FGFR1: variants seen among roughly 807,000 people sequenced by gnomAD.
The protein encoded by FGFR1 is fibroblast growth factor receptor 1.
Under a neutral mutation model 93.7 loss-of-function variants are expected in FGFR1, and 18 were observed. The observed-to-expected ratio is 0.19, with a 90% CI of 0.13 to 0.28. The LOEUF is 0.28. Among genes scored for constraint, FGFR1 ranks in the 10% least tolerant of loss-of-function variants. The probability of loss-of-function intolerance (pLI) is 1.00; values close to 1 mark genes in which losing one functional copy is unlikely to be tolerated. For missense variants in FGFR1, 731 were observed against 1,080.4 expected, an observed-to-expected ratio of 0.68 and a Z score of 4.53; for synonymous variants, 448 against 429.3, an observed-to-expected ratio of 1.04 and a Z score of -0.54.
chr8:38,423,448 AG>A, intron 7 of FGFR1: 2 of 380,848 alleles, frequency 5.3e-6, no homozygotes, highest in Non-Finnish European at 9.7e-6. Flanking sequence ...CAGCCTCCTG[AG>A]TAGCTGGGAC....
intron 4 of FGFR1, 31 bp from the exon 5 acceptor site, chr8:38,428,124 G>C (rs779135075): frequency 6.2e-7 from 1 of 1,613,336 alleles, no homozygotes; most frequent in Non-Finnish European, 8.5e-7. Flanking sequence ...GAGACAGGCA[G>C]GGTGGAGAGG....
In FGFR1 at chr8:38,429,759, G is replaced by T. The variant is rs150973404; in HGVS notation, c.281C>A (p.Ala94Glu). The T allele has an allele frequency of 6.2e-7, 1 of 1,601,442 alleles. No individual in the cohort carries two copies. The highest frequency in any genetic ancestry group is 1.3e-5 in the African/African-American group (1 of 74,766). ...EEVEVQDSVP[A>E]DSGLYACVTS... ...TACGCAAGCATAGAGGCCGGAGTCT[G>T]CGGGCACGGAGTCCTGCACCTCCAC... The change falls in exon 3 of 18, where the codon GCA (alanine) becomes GAA (glutamate). Residue 94 changes from alanine to glutamate, a missense_variant. Ala to Glu is a moderately radical substitution (Grantham distance 107, BLOSUM62 -1). Around this residue, in one of 10 missense-constraint regions of FGFR1, gnomAD observed 212 missense variants for 205.8 expected, o/e 1.03. Coordinates refer to ENST00000447712, the MANE Select transcript of FGFR1 (RefSeq NM_023110.3). The surrounding 1 kb of genome is among the most constrained non-coding windows in gnomAD (Gnocchi z 4.4).
intron 7 of FGFR1, chr8:38,422,301 A>G (rs2150768830): frequency 1.5e-5 from 7 of 454,980 alleles, no homozygotes; most frequent in South Asian, 1.1e-4. Context: ...AGGTGAACAC[A>G]GGAGGGATGG....
intron 2 of FGFR1, among the ~76,000 whole-genome samples, chr8:38,447,642 C>T (rs1486342118): frequency 3.3e-5 from 5 of 152,152 alleles, no homozygotes; most frequent in South Asian, 2.1e-4. Flanking sequence ...CCATCATGAC[C>T]GGCTAATTTT....
intron 2 of FGFR1, among the ~76,000 whole-genome samples, chr8:38,433,075 T>C (rs1441680459): frequency 1.3e-5 from 2 of 152,160 alleles, no homozygotes; most frequent in Non-Finnish European, 2.9e-5. Context: ...CAGTGGCTTA[T>C]GCCTGCAATC....
At chr8:38,437,023 G>A (rs1032104616) in intron 2 of FGFR1, among the ~76,000 whole-genome samples, 1 of 152,104 alleles carries the variant, frequency 6.6e-6, no homozygotes, top group Non-Finnish European at 1.5e-5. Context: ...TGGGACTATA[G>A]ACAAGCGCCA....
chr8:38,459,107 A>C (rs1323651555), intron 1 of FGFR1: 2 of 227,876 alleles, frequency 8.8e-6, no homozygotes, highest in Non-Finnish European at 1.7e-5. Context: ...GGTCTTAAAG[A>C]ACGGATCATA....
At position 38,426,665 on chromosome 8, in the gene FGFR1, C is replaced by A. The variant is rs1820872491; in HGVS notation, c.622-420G>T. Reference sequence around the variant, plus strand: ...AACTGTGCTCACCCTTTCCTCTCTGCCTACCAAAGCACTGATCACAGTCTA... The same window carrying A: ...AACTGTGCTCACCCTTTCCTCTCTGACTACCAAAGCACTGATCACAGTCTA... On this transcript the variant is annotated intron_variant, in intron 5 of 17. Transcript: ENST00000447712. This position sits in a 1 kb window ranked among gnomAD's most constrained non-coding sequence, Gnocchi z 4.1. Among the ~76,000 whole-genome samples, 1 of 152,230 alleles carries A rather than the reference C, an allele frequency of 6.6e-6. No homozygotes were observed. Among genetic ancestry groups the A allele is most frequent in the Non-Finnish European group, 1.5e-5 (1 of 68,046 alleles).
intron 2 of FGFR1, among the ~76,000 whole-genome samples, chr8:38,431,425 G>A (rs546408865): frequency 6.6e-6 from 1 of 152,276 alleles, no homozygotes; most frequent in Non-Finnish European, 1.5e-5. Context: ...GATGCCTGGC[G>A]CCCAGGAGTT....
At chr8:38,446,971 C>T (rs1314766846) in intron 2 of FGFR1, among the ~76,000 whole-genome samples, 5 of 152,100 alleles carry the variant, frequency 3.3e-5, no homozygotes, top group Admixed American at 2.0e-4. Flanking sequence ...GAAATGGCAG[C>T]GTCCATGGGG....
In FGFR1 at chr8:38,419,584, C is replaced by G. The variant is rs2150707090; in HGVS notation, c.1233G>C (p.Gln411His). 2 of 1,614,138 alleles carry G rather than the reference C, an allele frequency of 1.2e-6. No homozygotes were observed. Among genetic ancestry groups the G allele is most frequent in the South Asian group, 2.2e-5 (2 of 91,086 alleles). ...TCTTGGCCAGCTTGTGCACAGCCAT[C>G]TGGCTGTGGAAGTCACTCTTCTTGG... ...SGTKKSDFHS[Q>H]MAVHKLAKSI... Residue 411 changes from glutamine (Q) to histidine (H), a missense_variant, in exon 9 of 18, where the codon CAG (glutamine) becomes CAC (histidine). Gln to His is a conservative substitution (Grantham distance 24). Transcript: ENST00000447712.
At chr8:38,461,122 A>C (rs1241696048) in intron 1 of FGFR1, 1 of 1,536,040 alleles carries the variant, frequency 6.5e-7, no homozygotes, top group Admixed American at 2.0e-5. Flanking sequence ...GTGGTTATGA[A>C]GACTGAATGG....
intron 2 of FGFR1, among the ~76,000 whole-genome samples, chr8:38,431,913 A>T (rs1823302654): frequency 6.6e-6 from 1 of 152,208 alleles, no homozygotes; most frequent in Non-Finnish European, 1.5e-5. Context: ...AACGAAGGTA[A>T]GGAGAAAAGC....
In FGFR1 at chr8:38,412,646, C is replaced by T. The variant is rs954490656; in HGVS notation, c.*982G>A. 3 of 233,624 alleles carry T rather than the reference C, an allele frequency of 1.3e-5. No homozygotes were observed. The highest frequency in any genetic ancestry group is 1.2e-4 in the East Asian group (2 of 16,598). 14.5% of individuals were successfully genotyped at this position (233,624 alleles called of 1,614,324 possible). A position where few individuals can be genotyped will look rare whatever the true frequency, so the allele number is the denominator to read the frequency against. On this transcript the variant is annotated 3_prime_UTR_variant, in exon 18 of 18. Transcript: ENST00000447712. ...CTGCGCCGGGAGCATGCGGTGCCCT[C>T]GGGACAGACCTAGCCCCAGGGCCCG...
chr8:38,418,473 T>TGC, intron 9 of FGFR1, 100 bp from the exon 10 acceptor site: 4 of 1,351,318 alleles, frequency 3.0e-6, no homozygotes, highest in Non-Finnish European at 3.1e-6. Context: ...GAGGCACATG[T>TGC]CTGTGTATCT....
At chr8:38,415,021 C>A (rs1815891758) in intron 13 of FGFR1, 120 bp from the exon 14 acceptor site, 9 of 750,960 alleles carry the variant, frequency 1.2e-5, no homozygotes, top group South Asian at 1.2e-4. Context: ...CACTGCTCTG[C>A]CCCCCGAACC....
chr8:38,466,963 C>T (rs1379198707), intron 1 of FGFR1, among the ~76,000 whole-genome samples: 1 of 151,386 alleles, frequency 6.6e-6, no homozygotes, highest in Non-Finnish European at 1.5e-5. Flanking sequence ...TATATGAACC[C>T]CCATCTACAA....
Position 38,457,390 on chromosome 8 carries a change from G to C in FGFR1, c.57C>G (p.Cys19Trp), listed in dbSNP as rs2151343740. 1.2e-6 allele frequency: 2 copies of C among 1,613,896 alleles called. No individual in the cohort carries two copies. Among genetic ancestry groups the C allele is most frequent in the South Asian group, 2.2e-5 (2 of 91,084 alleles). ...GCAAGGTCGGGGACGGCCTAGCGGTGCAGAGTGTGGCTGTGACCAGCACAG... is the reference window on the plus strand; with the variant it reads ...GCAAGGTCGGGGACGGCCTAGCGGTCCAGAGTGTGGCTGTGACCAGCACAG... ...FWAVLVTATL[C>W]TARPSPTLPE... Residue 19 changes from cysteine to tryptophan, a missense_variant, in exon 2 of 18, where the codon TGC becomes TGG. This residue lies in a region of FGFR1 where 212 missense variants were observed against 205.8 expected (regional missense o/e 1.03). Coordinates refer to ENST00000447712, the MANE Select transcript of FGFR1 (RefSeq NM_023110.3).
chr8:38,413,684 G>T lies in FGFR1; in HGVS notation c.2413C>A (p.Pro805Thr). 1 of 1,613,618 alleles carries T rather than the reference G, an allele frequency of 6.2e-7. No homozygotes were observed. The highest frequency in any genetic ancestry group is 1.1e-5 in the South Asian group (1 of 91,002). ...VFSHEPLPEE[P>T]CLPRHPAQLA... Reference sequence around the variant, plus strand: ...TGGGCTGGGTGTCGGGGCAGGCAGGGCTCCTCGGGCAGCGGCTCATGAGAG... The same window carrying T: ...TGGGCTGGGTGTCGGGGCAGGCAGGTCTCCTCGGGCAGCGGCTCATGAGAG... The change falls in exon 18 of 18, where the codon CCC (proline) becomes ACC (threonine). Residue 805 changes from proline to threonine, a missense_variant. Around this residue, in one of 10 missense-constraint regions of FGFR1, gnomAD observed 79 missense variants for 97.2 expected, o/e 0.81. Transcript: ENST00000447712. This position sits in a 1 kb window ranked among gnomAD's most constrained non-coding sequence, Gnocchi z 4.2.
Sources: allele counts gnomAD v4.1 joint callset (sites outside exome capture counted in the v4.1 genomes callset), GRCh38; gene constraint gnomAD v4.1.1; regional missense constraint gnomAD v4.1.1; non-coding constraint Gnocchi (gnomAD v3.1); transcripts MANE v1.5; gene names NCBI Gene and HGNC (gene_info 2026-07-23, HGNC 2026-07-21).